The following HELB variants were observed in gnomAD, a reference collection of about 807,000 sequenced individuals.
The protein encoded by HELB is DNA helicase B.
In HELB, 96 loss-of-function variants were observed where a neutral mutation model predicts 101.7. That is an observed-to-expected ratio of 0.94 (90% CI 0.80 to 1.12). The LOEUF is 1.12. Among genes scored for constraint, HELB ranks in the 50% most tolerant of loss-of-function variants. HELB has a pLI of 0.00. For missense variants in HELB, 1,210 were observed against 1,291.9 expected, an observed-to-expected ratio of 0.94 and a Z score of 0.97; for synonymous variants, 437 against 459.7, an observed-to-expected ratio of 0.95 and a Z score of 0.63.
At chr12:66,330,972 C>T (rs1265219999) in intron 11 of HELB, among the ~76,000 whole-genome samples, 182 bp from the exon 12 acceptor site, 1 of 152,130 alleles carries the variant, frequency 6.6e-6, no homozygotes, top group Non-Finnish European at 1.5e-5. Context: ...GCATGTTTAG[C>T]AGTGTGTTTA....
At chr12:66,322,903 A>G (rs1298923364) in intron 9 of HELB, 120 bp downstream of exon 9, 1 of 546,058 alleles carries the variant, frequency 1.8e-6, no homozygotes, top group Admixed American at 3.1e-5. Context: ...TTTTTTTCCC[A>G]TTTGTGAAAT....
intron 12 of HELB, 85 bp downstream of exon 12, chr12:66,331,730 A>G: frequency 7.9e-7 from 1 of 1,271,916 alleles, no homozygotes; most frequent in Non-Finnish European, 1.1e-6. Flanking sequence ...TGCTTTTATT[A>G]GTGTTGCATT....
intron 2 of HELB, 81 bp from the exon 3 acceptor site, chr12:66,306,264 T>C: frequency 9.0e-7 from 1 of 1,115,916 alleles, no homozygotes; most frequent in Non-Finnish European, 1.2e-6. Flanking sequence ...GAATCGGTTG[T>C]GCAAAATGAG....
At position 66,331,204 on chromosome 12, in the gene HELB, G is replaced by C. The variant is rs1210603208; in HGVS notation, c.2721G>C (p.Gln907His). The change falls in exon 12 of 13, where the codon CAG (glutamine) becomes CAC (histidine). Residue 907 changes from glutamine (Q) to histidine (H), a missense_variant. Gln to His is a conservative substitution (Grantham distance 24). Coordinates refer to ENST00000247815, the MANE Select transcript of HELB (RefSeq NM_001370285.1). ...ATGTGGTGGGGAAGGCGGGCCGCCA[G>C]CACTGGCAGCATGTCTACACCGCCG... ...VVYVVGKAGRQHWQHVYTAVT... is the reference protein window; with the variant it reads ...VVYVVGKAGRHHWQHVYTAVT... 1 of 1,613,064 alleles carries C rather than the reference G, an allele frequency of 6.2e-7. No homozygotes were observed. Among genetic ancestry groups the C allele is most frequent in the Non-Finnish European group, 8.5e-7 (1 of 1,179,034 alleles).
Position 66,338,168 on chromosome 12 carries a change from C to A in HELB, c.*66C>A. The stretch of plus-strand genomic sequence containing the variant: ...GGAGACAAAATGAACATCGTAACGT[C>A]AAAGTACCAAGATAAAAAAAGTTTC... On this transcript the variant is annotated 3_prime_UTR_variant, in exon 13 of 13. Transcript: ENST00000247815. 1 of 943,338 alleles carries A rather than the reference C, an allele frequency of 1.1e-6. No homozygotes were observed. The highest frequency in any genetic ancestry group is 1.4e-5 in the South Asian group (1 of 72,908). 58.4% of individuals were successfully genotyped at this position (943,338 alleles called of 1,614,324 possible). A position where few individuals can be genotyped will look rare whatever the true frequency, so the allele number is the denominator to read the frequency against.
At chr12:66,342,082 T>C (rs1478378420), downstream of HELB, 5 of 152,206 alleles carry the variant, frequency 3.3e-5, no homozygotes, top group East Asian at 9.6e-4. Context: ...CTATTGCCTA[T>C]CCAAAGTCAT....
downstream of HELB, chr12:66,341,684 A>C (rs530868571): frequency 2.6e-5 from 4 of 152,152 alleles, no homozygotes; most frequent in Admixed American, 2.6e-4. Flanking sequence ...CTCACATTGT[A>C]ATACCTATGT....
chr12:66,306,593 C>A, intron 3 of HELB, 79 bp downstream of exon 3: 1 of 1,091,930 alleles, frequency 9.2e-7, no homozygotes, highest in Non-Finnish European at 1.3e-6. Flanking sequence ...CTTTCTCTTT[C>A]AAAGGAAAAA....
intron 12 of HELB, among the ~76,000 whole-genome samples, chr12:66,332,812 C>A (rs1322925492): frequency 1.3e-5 from 2 of 152,174 alleles, no homozygotes; most frequent in Non-Finnish European, 2.9e-5. Flanking sequence ...CAGGTGCCTA[C>A]AACATAAATT....
Position 66,304,921 on chromosome 12 carries a change from CTG to C in HELB, c.381_382del (p.Ala128SerfsTer4). ...TGTCACCACCAAATCAAAAACATAT[CTG>C]TGCTCTCTTTCTTAAAGAGTGTGAG... Reference protein sequence around the residue: ...DMSPPNQKHICALFLKECEVS... With the variant: ...DMSPPNQKHIXALFLKECEVS... On this transcript the variant is annotated frameshift_variant, in exon 2 of 13. Transcript: ENST00000247815. LOFTEE classifies it high-confidence loss of function. 1 of 1,614,058 alleles carries C rather than the reference CTG, an allele frequency of 6.2e-7. No homozygotes were observed. The highest frequency in any genetic ancestry group is 8.5e-7 in the Non-Finnish European group (1 of 1,179,946).
In HELB at chr12:66,314,142, C is replaced by A; in HGVS notation, c.1837C>A (p.Leu613Ile). The A allele has an allele frequency of 1.9e-6, 3 of 1,613,184 alleles. No homozygotes were observed. The highest frequency in any genetic ancestry group is 2.2e-5 in the East Asian group (1 of 44,846). ...AAATTTATTGTGTGAGCACTCCAAA[C>A]TTTCTAAGCTTATTATCCTTGGTAA... Reference protein sequence around the residue: ...VLNLLCEHSKLSKLIILGDIR... With the variant: ...VLNLLCEHSKISKLIILGDIR... The change falls in exon 5 of 13, where the codon CTT becomes ATT. Residue 613 changes from leucine (L) to isoleucine (I), a missense_variant. Physicochemically the swap from Leu to Ile is conservative, Grantham distance 5. This residue lies in a region of HELB where 740 missense variants were observed against 728.8 expected (regional missense o/e 1.02). Transcript: ENST00000247815.
Position 66,306,414 on chromosome 12 carries a change from C to T in HELB, c.677C>T (p.Pro226Leu). Residue 226 changes from proline to leucine, a missense_variant, in exon 3 of 13, where the codon CCT becomes CTT. By Grantham distance (98) the Pro-to-Leu change is moderately conservative. Transcript: ENST00000247815. Reference sequence around the variant, plus strand: ...ATGGAATTCCTTCCAGTTCTTCTGCCTCGACACTTTAAATGGATCATAGGG... The same window carrying T: ...ATGGAATTCCTTCCAGTTCTTCTGCTTCGACACTTTAAATGGATCATAGGG... The part of the protein sequence containing the change: ...KIMEFLPVLL[P>L]RHFKWIIGSG... 6.2e-7 allele frequency: 1 copy of T among 1,609,404 alleles called. No homozygotes were observed. Among genetic ancestry groups the T allele is most frequent in the Admixed American group, 1.7e-5 (1 of 59,324 alleles).
At chr12:66,337,310 A>G (rs544422853) in intron 12 of HELB, among the ~76,000 whole-genome samples, 25 of 152,294 alleles carry the variant, frequency 1.6e-4, no homozygotes, top group Non-Finnish European at 2.9e-4. Context: ...TAGAATTTCC[A>G]TCTCAGGAAA....
At chr12:66,326,317 A>G (rs973999256) in intron 11 of HELB, among the ~76,000 whole-genome samples, 15 of 151,586 alleles carry the variant, frequency 9.9e-5, no homozygotes, top group Admixed American at 4.6e-4. Context: ...ATCTTGGCTC[A>G]CTGTAAGTTC....
At chr12:66,312,175 T>G (rs972059095) in intron 4 of HELB, among the ~76,000 whole-genome samples, 12 of 149,200 alleles carry the variant, frequency 8.0e-5, no homozygotes, top group Non-Finnish European at 1.6e-4. Flanking sequence ...CCAGTTGAAG[T>G]GTGGGGATGT....
chr12:66,320,484 T>C (rs1262839660), intron 7 of HELB, among the ~76,000 whole-genome samples: 1 of 152,216 alleles, frequency 6.6e-6, no homozygotes, highest in Admixed American at 6.5e-5. Flanking sequence ...AGGTCCTATT[T>C]ACAGGTGAGG....
At chr12:66,321,795 G>C in intron 7 of HELB, 153 bp from the exon 8 acceptor site, 2 of 528,694 alleles carry the variant, frequency 3.8e-6, no homozygotes. Flanking sequence ...CTGATGTGGG[G>C]AATGAGGTTG....
rs1441392063 is a variant in HELB at position 66,324,815 on chromosome 12, T to C, written c.2527-168T>C. ...TTGTGTTTATTAAAATATTTAGGTATAGATATATTGTTTGTGCTGAAATGC... is the reference window on the plus strand; with the variant it reads ...TTGTGTTTATTAAAATATTTAGGTACAGATATATTGTTTGTGCTGAAATGC... On this transcript the variant is annotated intron_variant, in intron 10 of 12. Coordinates refer to ENST00000247815, the MANE Select transcript of HELB (RefSeq NM_001370285.1). The C allele has an allele frequency of 4.4e-6, 3 of 675,746 alleles. No individual in the cohort carries two copies. The East Asian group carries it at 8.5e-5, about 19-fold the overall frequency. The allele number at this position is 675,746 out of a possible 1,614,324, so 41.9% of individuals were successfully genotyped here. A position where few individuals can be genotyped will look rare whatever the true frequency, so the allele number is the denominator to read the frequency against.
At chr12:66,327,849 C>G (rs890509562) in intron 11 of HELB, among the ~76,000 whole-genome samples, 1 of 152,082 alleles carries the variant, frequency 6.6e-6, no homozygotes, top group East Asian at 1.9e-4. Context: ...GTGGCAAATC[C>G]TGTGGAAAAG....
Sources: allele counts gnomAD v4.1 joint callset (sites outside exome capture counted in the v4.1 genomes callset), GRCh38; gene constraint gnomAD v4.1.1; regional missense constraint gnomAD v4.1.1; transcripts MANE v1.5; gene names NCBI Gene and HGNC (gene_info 2026-07-23, HGNC 2026-07-21).